SECISBP2L: variants seen among roughly 807,000 people sequenced by gnomAD.
The protein encoded by SECISBP2L is SECIS binding protein 2 like.
A neutral mutation model predicts 114.7 loss-of-function variants in SECISBP2L; 43 were observed. The ratio of observed to expected loss-of-function variants is 0.38; its 90% CI spans 0.29 to 0.48. The LOEUF is 0.48. Ranked by LOEUF, SECISBP2L falls within the 20% of genes least tolerant of loss-of-function variation. The probability of loss-of-function intolerance (pLI) is 0.98; values close to 1 mark genes in which losing one functional copy is unlikely to be tolerated. For missense variants in SECISBP2L, 1,136 were observed against 1,301.1 expected, an observed-to-expected ratio of 0.87 and a Z score of 1.95; for synonymous variants, 451 against 439.7, an observed-to-expected ratio of 1.03 and a Z score of -0.32.
intron 13 of SECISBP2L, among the ~76,000 whole-genome samples, chr15:49,010,025 C>T (rs1220794278): frequency 2.6e-5 from 4 of 151,866 alleles, no homozygotes; most frequent in South Asian, 2.1e-4. Flanking sequence ...CCCAGCTACT[C>T]GGGAGGCTAA....
Position 48,996,623 on chromosome 15 carries a change from T to C in SECISBP2L, c.2404-37A>G, listed in dbSNP as rs75768630. ...GAGTATTTTGATTAATCCATTTTTTTGTTACACTTTTTATTCCTATTATGG... is the reference window on the plus strand; with the variant it reads ...GAGTATTTTGATTAATCCATTTTTTCGTTACACTTTTTATTCCTATTATGG... On this transcript the variant is annotated intron_variant, in intron 16 of 17. Transcript: ENST00000559471. 1,002 of 1,566,004 alleles carry C rather than the reference T, an allele frequency of 6.4e-4. 12 individuals are homozygous for C. In the East Asian group the frequency reaches 0.016, roughly 26 times the overall value.
Position 49,035,697 on chromosome 15 carries a change from A to G in SECISBP2L, c.204-39T>C, listed in dbSNP as rs148565393. 745 of 1,555,794 alleles carry G rather than the reference A, an allele frequency of 4.8e-4. 10 individuals carry two copies. The African/African-American group carries it at 9.0e-3, about 19-fold the overall frequency. Reference sequence around the variant, plus strand: ...TCAAAGAAGAACAAATCTATTGACAAGTCTAAAAATACCACTAAAGCAAAA... The same window carrying G: ...TCAAAGAAGAACAAATCTATTGACAGGTCTAAAAATACCACTAAAGCAAAA... On this transcript the variant is annotated intron_variant, in intron 2 of 17. Coordinates refer to ENST00000559471, the MANE Select transcript of SECISBP2L (RefSeq NM_001193489.2).
chr15:49,045,723 A>C (rs1903233279), intron 1 of SECISBP2L, among the ~76,000 whole-genome samples: 1 of 152,234 alleles, frequency 6.6e-6, no homozygotes, highest in Non-Finnish European at 1.5e-5. Context: ...TCTTTGCAAA[A>C]TAACTGGATA....
chr15:49,017,269 A>C (rs1420768005), intron 9 of SECISBP2L, among the ~76,000 whole-genome samples: 2 of 152,208 alleles, frequency 1.3e-5, no homozygotes, highest in African/African-American at 2.4e-5. Flanking sequence ...ATCCAAAGTA[A>C]AATTTTGCAA....
chr15:49,024,947 T>A (rs977131950), intron 7 of SECISBP2L, among the ~76,000 whole-genome samples: 2 of 152,164 alleles, frequency 1.3e-5, no homozygotes, highest in Admixed American at 1.3e-4. Context: ...CTCATCAAGT[T>A]TTGAGAAAGA....
chr15:48,998,128 T>G (rs1902131985), intron 16 of SECISBP2L, among the ~76,000 whole-genome samples: 1 of 152,194 alleles, frequency 6.6e-6, no homozygotes, highest in African/African-American at 2.4e-5. Flanking sequence ...TCTGTTTAAT[T>G]TTATAGTAAG....
intron 2 of SECISBP2L, among the ~76,000 whole-genome samples, chr15:49,036,430 G>A (rs561513615): frequency 1.3e-4 from 20 of 152,242 alleles, no homozygotes; most frequent in East Asian, 7.7e-4. Flanking sequence ...AAATGTTCAC[G>A]GCCATATTCT....
chr15:49,010,610 A>C (rs1902418238), intron 13 of SECISBP2L, among the ~76,000 whole-genome samples: 1 of 152,116 alleles, frequency 6.6e-6, no homozygotes, highest in South Asian at 2.1e-4. Context: ...TCCTGGGCTC[A>C]ACCAATCCTC....
chr15:49,028,908 G>A (rs1477715161), intron 4 of SECISBP2L, among the ~76,000 whole-genome samples: 1 of 152,120 alleles, frequency 6.6e-6, no homozygotes, highest in Non-Finnish European at 1.5e-5. Flanking sequence ...TCGCAGGCTG[G>A]AGGGCAGTGG....
chr15:48,990,264 G>C lies in SECISBP2L; in HGVS notation c.*1980C>G, dbSNP rs992517074. On this transcript the variant is annotated 3_prime_UTR_variant, in exon 18 of 18. Transcript: ENST00000559471. Reference sequence around the variant, plus strand: ...TCTGAATCACTGACATCGAGCAAAGGAAATTTACACCATAAAAAGTATGAA... The same window carrying C: ...TCTGAATCACTGACATCGAGCAAAGCAAATTTACACCATAAAAAGTATGAA... 1 of 152,400 alleles carries C rather than the reference G, an allele frequency of 6.6e-6. No homozygotes were observed. The highest frequency in any genetic ancestry group is 2.4e-5 in the African/African-American group (1 of 41,256). 9.4% of individuals were successfully genotyped at this position (152,400 alleles called of 1,614,324 possible).
rs58267682 is a variant in SECISBP2L, at chr15:49,034,669, G to GTTT, written c.528+662_528+664dup. On this transcript the variant is annotated intron_variant, in intron 3 of 17. Coordinates refer to ENST00000559471, the MANE Select transcript of SECISBP2L (RefSeq NM_001193489.2). ...TTTGAAGATTGAAAGTATATCTTTT[G>GTTT]TTTTTTTTTTTTTGAGACAGGGTGT... Among the ~76,000 whole-genome samples the GTTT allele has an allele frequency of 3.0e-5, 4 of 132,134 alleles. 1 individual carries two copies. The highest frequency in any genetic ancestry group is 6.3e-5 in the Non-Finnish European group (4 of 63,384). 86.7% of individuals were successfully genotyped at this position (132,134 alleles called of 152,430 possible).
At chr15:49,033,134 A>T (rs1411296709) in intron 3 of SECISBP2L, 34 bp from the exon 4 acceptor site, 1 of 1,596,886 alleles carries the variant, frequency 6.3e-7, no homozygotes, top group Non-Finnish European at 8.5e-7. Context: ...AACAAAAAAC[A>T]CACAACTATT....
chr15:49,032,291 T>TA (rs571251117), intron 4 of SECISBP2L, among the ~76,000 whole-genome samples: 163 of 152,294 alleles, frequency 1.1e-3, no homozygotes, highest in African/African-American at 3.8e-3. Flanking sequence ...TGAGAGGAGA[T>TA]AAACATCTAC....
intron 17 of SECISBP2L, among the ~76,000 whole-genome samples, chr15:48,994,706 T>C (rs1250343450): frequency 6.6e-6 from 1 of 152,158 alleles, no homozygotes; most frequent in Non-Finnish European, 1.5e-5. Context: ...ATCGCTAACC[T>C]GAACTCCCAC....
At chr15:49,031,037 C>CTTTTTTTTT (rs373799142) in intron 4 of SECISBP2L, among the ~76,000 whole-genome samples, 3 of 83,254 alleles carry the variant, frequency 3.6e-5, no homozygotes, top group Non-Finnish European at 4.5e-5. Context: ...TTATCATTTT[C>CTTTTTTTTT]TTTTTTTTTT....
intron 9 of SECISBP2L, among the ~76,000 whole-genome samples, chr15:49,017,225 T>C (rs1354477125): frequency 6.6e-6 from 1 of 152,230 alleles, no homozygotes; most frequent in Non-Finnish European, 1.5e-5. Flanking sequence ...GGGTGATGGC[T>C]GCCTGGATCC....
intron 4 of SECISBP2L, among the ~76,000 whole-genome samples, chr15:49,030,785 T>A (rs1437542304): frequency 1.3e-5 from 2 of 152,148 alleles, no homozygotes; most frequent in Non-Finnish European, 2.9e-5. Context: ...TTCATACACA[T>A]GTGGGGTCTG....
intron 9 of SECISBP2L, 34 bp from the exon 10 acceptor site, chr15:49,017,049 A>T: frequency 6.2e-7 from 1 of 1,600,568 alleles, no homozygotes; most frequent in Non-Finnish European, 8.5e-7. Context: ...TTTGTTAGTG[A>T]TCCCATAAAA....
At chr15:49,017,963 AACAG>A (rs1360575299) in intron 8 of SECISBP2L, among the ~76,000 whole-genome samples, 4 of 152,204 alleles carry the variant, frequency 2.6e-5, no homozygotes, top group Admixed American at 6.5e-5. Context: ...GAAAGTGTTT[AACAG>A]ACAGCTTCAT....
Sources: gnomAD v4.1 joint callset for allele counts (sites outside exome capture counted in the v4.1 genomes callset) on GRCh38, gnomAD v4.1.1 for gene constraint, MANE v1.5 for transcripts, NCBI Gene and HGNC (gene_info 2026-07-23, HGNC 2026-07-21) for gene names.